CACNA1I: variants seen among roughly 807,000 people sequenced by gnomAD.
CACNA1I encodes the protein voltage-dependent T-type calcium channel subunit alpha-1I.
A neutral mutation model predicts 201.6 loss-of-function variants in CACNA1I; 74 were observed. The ratio of observed to expected loss-of-function variants is 0.37; its 90% CI spans 0.30 to 0.45. The LOEUF (loss-of-function observed/expected upper bound fraction) is 0.45, where lower values mean the gene tolerates loss of function less well. Ranked by LOEUF, CACNA1I falls within the 20% of genes least tolerant of loss-of-function variation. The pLI, the probability that CACNA1I is intolerant of heterozygous loss-of-function variation, is 1.00. For synonymous variants in CACNA1I, 1,431 were observed against 1,345.2 expected (o/e 1.06, Z -1.40); for missense variants, 2,346 against 3,138.1 (o/e 0.75, Z 6.03).
At position 39,665,426 on chromosome 22, in the gene CACNA1I, T is replaced by A. The variant is rs914250932; in HGVS notation, c.3852-72T>A. ...CCCTGGGATACTCAGCCCTGGTGAC[T>A]CTGGGCTGAGTAGGGGCTGCCTCCT... On this transcript the variant is annotated intron_variant, in intron 21 of 36. Coordinates refer to ENST00000402142, the MANE Select transcript of CACNA1I (RefSeq NM_021096.4). This position sits in a 1 kb window ranked among gnomAD's most constrained non-coding sequence, Gnocchi z 5.5. The A allele has an allele frequency of 2.9e-4, 462 of 1,578,022 alleles. 1 individual carries two copies. The highest frequency in any genetic ancestry group is 5.2e-4 in the Middle Eastern group (3 of 5,732).
At chr22:39,668,246 C>A in intron 23 of CACNA1I, 46 bp from the exon 24 acceptor site, 1 of 1,181,718 alleles carries the variant, frequency 8.5e-7, no homozygotes, top group Non-Finnish European at 1.3e-6. Context: ...CAGCTGGAGT[C>A]ACTCACAGTC....
intron 1 of CACNA1I, among the ~76,000 whole-genome samples, chr22:39,584,147 G>C (rs989915713): frequency 1.3e-5 from 2 of 152,228 alleles, no homozygotes; most frequent in African/African-American, 4.8e-5. Flanking sequence ...GGAGAAGGCT[G>C]TTCAGGAAGG....
intron 4 of CACNA1I, among the ~76,000 whole-genome samples, chr22:39,633,816 G>A (rs1601480893): frequency 3.3e-5 from 5 of 152,244 alleles, no homozygotes; most frequent in Admixed American, 6.5e-5. Flanking sequence ...ATGGACTCCT[G>A]TGTGGGCCTT....
At chr22:39,672,855 G>A (rs1319853413) in intron 27 of CACNA1I, 94 bp from the exon 28 acceptor site, 1 of 1,397,058 alleles carries the variant, frequency 7.2e-7, no homozygotes, top group African/African-American at 1.4e-5. Flanking sequence ...CAATAGAAGG[G>A]TCAGGACCTG....
rs1006625607 is a variant in CACNA1I at position 39,665,169 on chromosome 22, G to A, written c.3851+246G>A. On this transcript the variant is annotated intron_variant, in intron 21 of 36. Coordinates refer to ENST00000402142, the MANE Select transcript of CACNA1I (RefSeq NM_021096.4). The surrounding 1 kb of genome is among the most constrained non-coding windows in gnomAD (Gnocchi z 5.5). ...CACTCTGCGTGTCCCTGAGTGGCTCGTTGCCATCTCTGGGTATCAGTCCCT... is the reference window on the plus strand; with the variant it reads ...CACTCTGCGTGTCCCTGAGTGGCTCATTGCCATCTCTGGGTATCAGTCCCT... Among the ~76,000 whole-genome samples, 1 of 152,164 alleles carries A rather than the reference G, an allele frequency of 6.6e-6. No individual in the cohort carries two copies. Among genetic ancestry groups the A allele is most frequent in the African/African-American group, 2.4e-5 (1 of 41,436 alleles).
chr22:39,578,258 G>A (rs1304395920), intron 1 of CACNA1I, among the ~76,000 whole-genome samples: 1 of 151,968 alleles, frequency 6.6e-6, no homozygotes, highest in Non-Finnish European at 1.5e-5. Context: ...CCCTGCCTCT[G>A]AGCAGGCCAC....
Position 39,647,811 on chromosome 22 carries a change from C to A in CACNA1I, c.1463-11C>A. 1.3e-6 allele frequency: 2 copies of A among 1,536,308 alleles called. No homozygotes were observed. Among genetic ancestry groups the A allele is most frequent in the South Asian group, 1.1e-5 (1 of 89,596 alleles). On this transcript the variant is annotated splice_polypyrimidine_tract_variant and intron_variant, in intron 8 of 36. Transcript: ENST00000402142. ...AAGGGAGAAGATAGTAATATTATCT[C>A]CACTTTTCAGATGGGAAGACTAAGG...
At chr22:39,673,259 A>G (rs2146467956) in intron 28 of CACNA1I, among the ~76,000 whole-genome samples, 177 bp downstream of exon 28, 1 of 152,216 alleles carries the variant, frequency 6.6e-6, no homozygotes, top group African/African-American at 2.4e-5. Flanking sequence ...CACAGCCAAC[A>G]CACACGCATG....
chr22:39,668,170 GAGA>G, intron 23 of CACNA1I, 119 bp from the exon 24 acceptor site: 1 of 653,790 alleles, frequency 1.5e-6, no homozygotes, highest in Non-Finnish European at 2.8e-6. Context: ...CTGCCACACA[GAGA>G]AGACCTCTTT....
intron 4 of CACNA1I, among the ~76,000 whole-genome samples, chr22:39,626,053 C>G: frequency 6.6e-6 from 1 of 152,182 alleles, no homozygotes; most frequent in East Asian, 1.9e-4. Context: ...GCCCTGAGCC[C>G]GAGCTCACAG....
chr22:39,655,509 C>G (rs997916122), intron 10 of CACNA1I, among the ~76,000 whole-genome samples: 1 of 152,182 alleles, frequency 6.6e-6, no homozygotes, highest in Non-Finnish European at 1.5e-5. Flanking sequence ...GTCTGTCTGC[C>G]TGCTCTTTTT....
At chr22:39,664,013 T>A in intron 19 of CACNA1I, 78 bp from the exon 20 acceptor site, 1 of 1,548,022 alleles carries the variant, frequency 6.5e-7, no homozygotes, top group South Asian at 1.1e-5. Context: ...TCTACGAACC[T>A]TGGCCAAAGC....
chr22:39,619,474 TA>T, intron 4 of CACNA1I, 67 bp downstream of exon 4: 1 of 1,249,308 alleles, frequency 8.0e-7, no homozygotes, highest in Non-Finnish European at 1.2e-6. Context: ...ATCCCTGGCC[TA>T]CCTAGCCAAT....
Position 39,678,115 on chromosome 22 carries a change from C to T in CACNA1I, c.5055+7C>T. On this transcript the variant is annotated splice_region_variant and intron_variant, in intron 31 of 36. Transcript: ENST00000402142. ...CTGGAACGGGATCATGAAGGTACTC[C>T]TGGGCGGGCTGGGGTGGAGAAATCA... 6.2e-7 allele frequency: 1 copy of T among 1,609,760 alleles called. No homozygotes were observed. Among genetic ancestry groups the T allele is most frequent in the Non-Finnish European group, 8.5e-7 (1 of 1,177,762 alleles).
intron 5 of CACNA1I, among the ~76,000 whole-genome samples, chr22:39,637,774 T>A (rs1275626889): frequency 6.6e-6 from 1 of 152,260 alleles, no homozygotes; most frequent in African/African-American, 2.4e-5. Flanking sequence ...CAATCATTTT[T>A]TTAGCATTGT....
In CACNA1I at chr22:39,686,107, A is replaced by G; in HGVS notation, c.6374A>G (p.Glu2125Gly). ...GGGGAGSEHS[E>G]TLSSLSLTSL... is the part of the protein sequence containing the mutation. ...GGGGGCGCGGGCAGCGAGCACTCGG[A>G]GACCCTCAGCAGCCTCTCGCTCACC... is the stretch of plus-strand genomic sequence containing the variant. Residue 2125 changes from glutamate (E) to glycine (G), a missense_variant, in exon 37 of 37, where the codon GAG becomes GGG. By Grantham distance (98) the Glu-to-Gly change is moderately conservative (BLOSUM62 -2). Around this residue, in one of 13 missense-constraint regions of CACNA1I, gnomAD observed 187 missense variants for 151.0 expected, o/e 1.24. Transcript: ENST00000402142. 1 of 1,157,328 alleles carries G rather than the reference A, an allele frequency of 8.6e-7. No individual in the cohort carries two copies. 71.7% of individuals were successfully genotyped at this position (1,157,328 alleles called of 1,614,324 possible). A position where few individuals can be genotyped will look rare whatever the true frequency, so the allele number is the denominator to read the frequency against.
chr22:39,588,673 C>T (rs1040408179), intron 1 of CACNA1I, among the ~76,000 whole-genome samples: 1 of 152,332 alleles, frequency 6.6e-6, no homozygotes, highest in East Asian at 1.9e-4. Flanking sequence ...GCGTGAGCCA[C>T]TGCGCCCGGC....
At chr22:39,663,275 G>C (rs1935084275) in intron 18 of CACNA1I, among the ~76,000 whole-genome samples, 3 of 152,212 alleles carry the variant, frequency 2.0e-5, no homozygotes, top group Admixed American at 2.0e-4. Flanking sequence ...GCTTGCATCT[G>C]AGGGGACATC....
rs1015097438 is a variant in CACNA1I at position 39,648,495 on chromosome 22, C to T, written c.1567+569C>T. On this transcript the variant is annotated intron_variant, in intron 9 of 36. Transcript: ENST00000402142. The surrounding 1 kb of genome is among the most constrained non-coding windows in gnomAD (Gnocchi z 5.4). ...CCACGTCCAGGTGGGAGCAGTGAGCCGGCGCTGGGAAGGGCTTTGGGCCTG... is the reference window on the plus strand; with the variant it reads ...CCACGTCCAGGTGGGAGCAGTGAGCTGGCGCTGGGAAGGGCTTTGGGCCTG... 3.9e-5 allele frequency among the ~76,000 whole-genome samples: 6 copies of T among 152,174 alleles called. No homozygotes were observed. Among genetic ancestry groups the T allele is most frequent in the Admixed American group, 2.0e-4 (3 of 15,300 alleles).
Sources: gnomAD v4.1 joint callset for allele counts (sites outside exome capture counted in the v4.1 genomes callset) on GRCh38, gnomAD v4.1.1 for gene constraint, gnomAD v4.1.1 regional missense constraint, Gnocchi (gnomAD v3.1) non-coding constraint, MANE v1.5 for transcripts, NCBI Gene and HGNC (gene_info 2026-07-23, HGNC 2026-07-21) for gene names.